The following COL5A1 variants were observed in gnomAD, a reference collection of about 807,000 sequenced individuals.
COL5A1 encodes the protein collagen alpha-1(V) chain.
Under a neutral mutation model 263.7 loss-of-function variants are expected in COL5A1, and 16 were observed. The observed-to-expected ratio is 0.06, with a 90% CI of 0.04 to 0.09. The LOEUF is 0.09. Ranked by LOEUF, COL5A1 falls within the 10% of genes least tolerant of loss-of-function variation. The pLI, the probability that COL5A1 is intolerant of heterozygous loss-of-function variation, is 1.00. For missense variants in COL5A1, 2,036 were observed against 2,540.5 expected (o/e 0.80, Z 4.27); for synonymous variants, 1,012 against 1,004.5 (o/e 1.01, Z -0.14).
chr9:134,829,890 A>G lies in COL5A1; in HGVS notation c.5068-86A>G, dbSNP rs552183981. 1,156 of 1,458,172 alleles carry G rather than the reference A, an allele frequency of 7.9e-4. 7 individuals are homozygous for G. In the African/African-American group the frequency reaches 0.015, roughly 19 times the overall value. The allele number at this position is 1,458,172 out of a possible 1,614,324, so 90.3% of individuals were successfully genotyped here. ...TGAGGATGCAGGCGCGGGGGCCGGG[A>G]AAGCCTGGGGCCTTGCTCTGGAGGC... On this transcript the variant is annotated intron_variant, in intron 63 of 65. Coordinates refer to ENST00000371817, the MANE Select transcript of COL5A1 (RefSeq NM_000093.5).
At chr9:134,719,119 G>A (rs1467494721) in intron 4 of COL5A1, among the ~76,000 whole-genome samples, 1 of 152,178 alleles carries the variant, frequency 6.6e-6, no homozygotes, top group African/African-American at 2.4e-5. Flanking sequence ...GTTGAGGGAG[G>A]GGACTGAGTC....
intron 32 of COL5A1, among the ~76,000 whole-genome samples, chr9:134,790,458 C>T (rs1439669486): frequency 1.7e-5 from 2 of 115,562 alleles, no homozygotes; most frequent in East Asian, 5.6e-4. Flanking sequence ...ACTCACCCAT[C>T]CATCCAGCCA....
At chr9:134,827,986 C>T (rs1166947442) in intron 63 of COL5A1, among the ~76,000 whole-genome samples, 1 of 152,182 alleles carries the variant, frequency 6.6e-6, no homozygotes, top group Non-Finnish European at 1.5e-5. Context: ...GCCTTCTTGG[C>T]ACAAGGCCAG....
intron 18 of COL5A1, among the ~76,000 whole-genome samples, chr9:134,759,524 C>G (rs1409267345): frequency 5.1e-5 from 6 of 118,790 alleles, no homozygotes; most frequent in Admixed American, 8.2e-5. Flanking sequence ...CATACACACA[C>G]CACATACACC....
intron 20 of COL5A1, among the ~76,000 whole-genome samples, chr9:134,764,314 T>C (rs1385082258): frequency 1.7e-5 from 1 of 57,976 alleles, no homozygotes; most frequent in African/African-American, 7.0e-5. Flanking sequence ...GAGGTCATTA[T>C]AGGGGGTCAG....
rs767306262 is a variant in COL5A1, at chr9:134,752,579, T to C, written c.1663-10T>C. 55 of 1,611,712 alleles carry C rather than the reference T, an allele frequency of 3.4e-5. No individual in the cohort carries two copies. The highest frequency in any genetic ancestry group is 4.4e-5 in the Non-Finnish European group (52 of 1,178,184). ...GGCCCTGTCTCAGCGTGTCTCACTT[T>C]CCTTTGCAGTTGGCACTGAGGGGAC... On this transcript the variant is annotated splice_polypyrimidine_tract_variant and intron_variant, in intron 13 of 65. Transcript: ENST00000371817.
At chr9:134,722,860 C>T (rs1414023972) in intron 4 of COL5A1, among the ~76,000 whole-genome samples, 1 of 152,036 alleles carries the variant, frequency 6.6e-6, no homozygotes, top group African/African-American at 2.4e-5. Flanking sequence ...AGGTGGGCAG[C>T]TCTGCTGGCC....
intron 2 of COL5A1, among the ~76,000 whole-genome samples, chr9:134,691,377 A>G (rs1833274676): frequency 6.6e-6 from 1 of 152,180 alleles, no homozygotes; most frequent in Non-Finnish European, 1.5e-5. Context: ...CTGGGCCGCC[A>G]GGACTCCAAG....
chr9:134,809,474 A>G (rs1047762428), intron 43 of COL5A1, among the ~76,000 whole-genome samples, 184 bp downstream of exon 43: 1 of 152,072 alleles, frequency 6.6e-6, no homozygotes, highest in Non-Finnish European at 1.5e-5. Context: ...GGTAAATGGT[A>G]ATACACGCCG....
Position 134,708,553 on chromosome 9 carries a change from C to T in COL5A1, c.654+7220C>T, listed in dbSNP as rs375896048. 64 of 517,924 alleles carry T rather than the reference C, an allele frequency of 1.2e-4. 1 individual carries two copies. In the East Asian group the frequency reaches 1.6e-3, roughly 13 times the overall value. 32.1% of individuals were successfully genotyped at this position (517,924 alleles called of 1,614,324 possible). A position where few individuals can be genotyped will look rare whatever the true frequency, so the allele number is the denominator to read the frequency against. On this transcript the variant is annotated intron_variant, in intron 4 of 65. Transcript: ENST00000371817. Reference sequence around the variant, plus strand: ...TGGTGCTTTCTGTAGGATCCACCTCCGCTGTCTCAGGCCACCTGTGTGGCA... The same window carrying T: ...TGGTGCTTTCTGTAGGATCCACCTCTGCTGTCTCAGGCCACCTGTGTGGCA...
At chr9:134,764,556 C>T (rs1836589196) in intron 20 of COL5A1, among the ~76,000 whole-genome samples, 1 of 152,092 alleles carries the variant, frequency 6.6e-6, no homozygotes, top group African/African-American at 2.4e-5. Context: ...TATTTAGGCC[C>T]AGAGCAAATT....
chr9:134,790,838 T>C (rs1449704293), intron 32 of COL5A1, among the ~76,000 whole-genome samples: 1 of 151,860 alleles, frequency 6.6e-6, no homozygotes, highest in Non-Finnish European at 1.5e-5. Flanking sequence ...GGTGGGCTGC[T>C]CCTGTGCTGG....
chr9:134,665,525 A>T (rs962279445), intron 1 of COL5A1, among the ~76,000 whole-genome samples: 1 of 152,210 alleles, frequency 6.6e-6, no homozygotes, highest in South Asian at 2.1e-4. Context: ...TTGAAAAGGG[A>T]TGCATACAAA....
rs56377304 is a variant in COL5A1 at position 134,686,541 on chromosome 9, C to T, written c.110-4371C>T. 0.048 allele frequency among the ~76,000 whole-genome samples: 7,280 copies of T among 152,262 alleles called. 217 individuals carry two copies. Among genetic ancestry groups the T allele is most frequent in the Non-Finnish European group, 0.074 (5,058 of 68,014 alleles). ...TGCTGGGATTCCAGTCCTGAGCCAC[C>T]GCGCCTGGCCATCAAATTCTTTTCA... On this transcript the variant is annotated intron_variant, in intron 1 of 65. Coordinates refer to ENST00000371817, the MANE Select transcript of COL5A1 (RefSeq NM_000093.5). This position sits in a 1 kb window ranked among gnomAD's most constrained non-coding sequence, Gnocchi z 4.6.
intron 65 of COL5A1, among the ~76,000 whole-genome samples, chr9:134,840,468 C>A (rs558293252): frequency 1.3e-5 from 2 of 152,176 alleles, no homozygotes; most frequent in Non-Finnish European, 2.9e-5. Context: ...TCACAGAAAG[C>A]GTATCGGTTA....
At chr9:134,727,219 C>T (rs183059598) in intron 4 of COL5A1, 47 bp from the exon 5 acceptor site, 74 of 1,608,080 alleles carry the variant, frequency 4.6e-5, no homozygotes, top group East Asian at 2.9e-4. Context: ...GGTCCCCATG[C>T]GAGTGCTCTG....
intron 31 of COL5A1, among the ~76,000 whole-genome samples, chr9:134,787,548 C>T (rs1216474305): frequency 9.2e-5 from 14 of 152,328 alleles, no homozygotes; most frequent in African/African-American, 2.4e-4. Context: ...GACCTCACTG[C>T]GGTGCTGCTT....
chr9:134,799,112 G>C (rs2132813381), intron 37 of COL5A1, among the ~76,000 whole-genome samples: 2 of 152,316 alleles, frequency 1.3e-5, no homozygotes, highest in South Asian at 4.1e-4. Flanking sequence ...GGTCTTTGTA[G>C]TCAGAGACTC....
chr9:134,726,496 A>AAG (rs1834656509), intron 4 of COL5A1, among the ~76,000 whole-genome samples: 1 of 149,814 alleles, frequency 6.7e-6, no homozygotes, highest in African/African-American at 2.5e-5. Context: ...ATGAGTGGAT[A>AAG]GATGGATAGA....
Sources: allele counts gnomAD v4.1 joint callset (sites outside exome capture counted in the v4.1 genomes callset), GRCh38; gene constraint gnomAD v4.1.1; non-coding constraint Gnocchi (gnomAD v3.1); transcripts MANE v1.5; gene names NCBI Gene and HGNC (gene_info 2026-07-23, HGNC 2026-07-21).